The following AKAP7 variants were observed in gnomAD, a reference collection of about 807,000 sequenced individuals.
AKAP7 encodes the protein A kinase (PRKA) anchor protein 7.
A neutral mutation model predicts 39.5 loss-of-function variants in AKAP7; 39 were observed. The observed-to-expected ratio is 0.99, with a 90% CI of 0.76 to 1.29. The LOEUF is 1.29. Among genes scored for constraint, AKAP7 ranks in the 50% most tolerant of loss-of-function variants. AKAP7 has a pLI of 0.00. For synonymous variants in AKAP7, 140 were observed against 139.1 expected, an observed-to-expected ratio of 1.01 and a Z score of -0.05; for missense variants, 414 against 407.7, an observed-to-expected ratio of 1.02 and a Z score of -0.13.
At chr6:131,211,973 T>A (rs926834202) in intron 6 of AKAP7, among the ~76,000 whole-genome samples, 2 of 152,166 alleles carry the variant, frequency 1.3e-5, no homozygotes, top group African/African-American at 4.8e-5. Flanking sequence ...TCAGAACACT[T>A]ACATTAGCCT....
rs761021276 is a variant in AKAP7, at chr6:131,165,218, G to A, written c.428+1G>A. 1.6e-5 allele frequency: 25 copies of A among 1,597,040 alleles called. No individual in the cohort carries two copies. Among genetic ancestry groups the A allele is most frequent in the Non-Finnish European group, 2.0e-5 (24 of 1,171,124 alleles). ...TATTAAATGAAGATGAAGTAAACATGTGAGTAATGTATCTTTCTTAAATAT... is the reference window on the plus strand; with the variant it reads ...TATTAAATGAAGATGAAGTAAACATATGAGTAATGTATCTTTCTTAAATAT... On this transcript the variant is annotated splice_donor_variant, in intron 4 of 7. Coordinates refer to ENST00000431975, the MANE Select transcript of AKAP7 (RefSeq NM_016377.4). LOFTEE classifies it high-confidence loss of function.
chr6:131,252,659 G>A (rs1812532312), intron 7 of AKAP7, among the ~76,000 whole-genome samples: 1 of 152,158 alleles, frequency 6.6e-6, no homozygotes, highest in Admixed American at 6.5e-5. Context: ...ATTGCTCAGC[G>A]TGCCTCAAGG....
rs1244425553 is a variant in AKAP7, at chr6:131,135,624, C to G, written c.-140C>G. 1.3e-6 allele frequency: 1 copy of G among 759,504 alleles called. No homozygotes were observed. Among genetic ancestry groups the G allele is most frequent in the Non-Finnish European group, 1.6e-6 (1 of 621,090 alleles). The allele number at this position is 759,504 out of a possible 1,614,324, so 47.0% of individuals were successfully genotyped here. On this transcript the variant is annotated 5_prime_UTR_variant, in exon 1 of 8. Coordinates refer to ENST00000431975, the MANE Select transcript of AKAP7 (RefSeq NM_016377.4). ...CGGGCCCCCGCAGCCTGTCGCTGGA[C>G]CCCGCGCCGGCCCAGCGCACCGCCC...
Position 131,219,549 on chromosome 6 carries a change from AGTGGT to A in AKAP7, c.703-109_703-105del, listed in dbSNP as rs1809516350. On this transcript the variant is annotated intron_variant, in intron 6 of 7. Transcript: ENST00000431975. ...ATATCCATTTCAAGTGCCAGTAGGC[AGTGGT>A]GTAACAATGTAGTAATGTAATAATC... 13 of 936,714 alleles carry A rather than the reference AGTGGT, an allele frequency of 1.4e-5. No individual in the cohort carries two copies. The East Asian group carries it at 3.8e-4, about 28-fold the overall frequency. 58.0% of individuals were successfully genotyped at this position (936,714 alleles called of 1,614,324 possible). A position where few individuals can be genotyped will look rare whatever the true frequency, so the allele number is the denominator to read the frequency against.
At chr6:131,276,507 T>G (rs563957531) in intron 7 of AKAP7, among the ~76,000 whole-genome samples, 1 of 152,154 alleles carries the variant, frequency 6.6e-6, no homozygotes, top group Non-Finnish European at 1.5e-5. Context: ...AGATCTATAT[T>G]TAGTGCTTCT....
intron 7 of AKAP7, among the ~76,000 whole-genome samples, chr6:131,258,298 A>T (rs1813028420): frequency 6.6e-6 from 1 of 152,220 alleles, no homozygotes; most frequent in Non-Finnish European, 1.5e-5. Context: ...GGCCTTGTAA[A>T]AAGAAATCTG....
the AKAP7 span, among the ~76,000 whole-genome samples, chr6:131,128,801 A>G: frequency 1.4e-4 from 20 of 143,870 alleles, no homozygotes; most frequent in Admixed American, 1.1e-3. Context: ...CAACCTGGGC[A>G]AAAAGAGTGA....
chr6:131,242,701 C>T (rs969698583), intron 7 of AKAP7, among the ~76,000 whole-genome samples: 5 of 152,136 alleles, frequency 3.3e-5, no homozygotes, highest in Non-Finnish European at 4.4e-5. Flanking sequence ...ACTTTTGCCC[C>T]GAAGGTGATG....
intron 3 of AKAP7, among the ~76,000 whole-genome samples, chr6:131,161,397 C>T (rs1300390491): frequency 6.6e-6 from 1 of 151,954 alleles, no homozygotes; most frequent in Non-Finnish European, 1.5e-5. Context: ...GTAATCCCAG[C>T]ACTTTGGGAA....
chr6:131,163,581 C>A (rs1226395292), intron 3 of AKAP7, among the ~76,000 whole-genome samples: 1 of 152,106 alleles, frequency 6.6e-6, no homozygotes. Context: ...ATCCAGAATT[C>A]CACTGGTCTT....
chr6:131,251,560 G>A (rs1327876097), intron 7 of AKAP7, among the ~76,000 whole-genome samples: 2 of 121,788 alleles, frequency 1.6e-5, no homozygotes, highest in African/African-American at 6.1e-5. Flanking sequence ...AAACTAGCCA[G>A]GGACTGTTAA....
rs1029294606 is a variant in AKAP7 at position 131,200,008 on chromosome 6, A to G, written c.702+435A>G. 4.2e-5 allele frequency: 8 copies of G among 192,294 alleles called. No homozygotes were observed. The South Asian group carries it at 4.5e-4, about 11-fold the overall frequency. The allele number at this position is 192,294 out of a possible 1,614,324, so 11.9% of individuals were successfully genotyped here. ...TTACCCCTCTTCCTGTCGCTCTTCA[A>G]GGTTTCCAAAAGACCATCTTTCAGC... On this transcript the variant is annotated intron_variant, in intron 6 of 7. Coordinates refer to ENST00000431975, the MANE Select transcript of AKAP7 (RefSeq NM_016377.4).
intron 4 of AKAP7, among the ~76,000 whole-genome samples, chr6:131,167,536 G>A (rs1041599948): frequency 6.6e-6 from 1 of 152,114 alleles, no homozygotes; most frequent in African/African-American, 2.4e-5. Context: ...CACAGTGAAG[G>A]AAAATACTGA....
intron 6 of AKAP7, among the ~76,000 whole-genome samples, chr6:131,214,933 C>T (rs1044844591): frequency 1.3e-5 from 2 of 152,124 alleles, no homozygotes; most frequent in African/African-American, 4.8e-5. Context: ...AGCTCTATCT[C>T]TTACTAGCTG....
chr6:131,222,679 G>A (rs1194795633), intron 7 of AKAP7, among the ~76,000 whole-genome samples: 1 of 152,174 alleles, frequency 6.6e-6, no homozygotes, highest in African/African-American at 2.4e-5. Context: ...TCTTGAGATG[G>A]AATCTACTCT....
At chr6:131,159,163 G>A (rs1033485762) in intron 2 of AKAP7, among the ~76,000 whole-genome samples, 44 of 151,962 alleles carry the variant, frequency 2.9e-4, no homozygotes, top group African/African-American at 9.2e-4. Context: ...GCGCCATCTC[G>A]GCTCACTCCA....
intron 7 of AKAP7, among the ~76,000 whole-genome samples, chr6:131,226,625 C>T (rs1810188048): frequency 6.6e-6 from 1 of 152,118 alleles, no homozygotes; most frequent in Non-Finnish European, 1.5e-5. Flanking sequence ...ATTTGTATTT[C>T]CCTTGGGAAT....
At chr6:131,176,775 A>G (rs1804624484) in intron 5 of AKAP7, among the ~76,000 whole-genome samples, 1 of 152,034 alleles carries the variant, frequency 6.6e-6, no homozygotes, top group African/African-American at 2.4e-5. Flanking sequence ...AGGCCCTTCT[A>G]GGGTGCTCTA....
intron 7 of AKAP7, among the ~76,000 whole-genome samples, chr6:131,240,430 A>T (rs941049069): frequency 6.6e-6 from 1 of 152,192 alleles, no homozygotes; most frequent in African/African-American, 2.4e-5. Context: ...AGTCTCTTCA[A>T]AGCTGTCAGA....
Sources: allele counts gnomAD v4.1 joint callset (sites outside exome capture counted in the v4.1 genomes callset), GRCh38; gene constraint gnomAD v4.1.1; transcripts MANE v1.5; gene names NCBI Gene and HGNC (gene_info 2026-07-23, HGNC 2026-07-21).